The following KIF13B variants were observed in gnomAD, a reference collection of about 807,000 sequenced individuals.
KIF13B encodes the protein kinesin-like protein KIF13B.
KIF13B carries 127 observed loss-of-function variants against 222.0 expected under a neutral mutation model. The ratio of observed to expected loss-of-function variants is 0.57; its 90% CI spans 0.50 to 0.66. The LOEUF is 0.66. Among genes scored for constraint, KIF13B ranks in the 30% least tolerant of loss-of-function variants. The pLI, the probability that KIF13B is intolerant of heterozygous loss-of-function variation, is 0.00. For synonymous variants in KIF13B, 976 were observed against 919.0 expected (o/e 1.06, Z -1.12); for missense variants, 2,173 against 2,379.0 (o/e 0.91, Z 1.80).
chr8:29,148,505 G>C (rs999379194), intron 16 of KIF13B, 72 bp downstream of exon 16: 3 of 1,169,910 alleles, frequency 2.6e-6, no homozygotes, highest in African/African-American at 3.1e-5. Flanking sequence ...GAACTCCTGG[G>C]CTCAAGCGAT....
chr8:29,070,610 GC>G lies in KIF13B; in HGVS notation c.5374del (p.Ala1792ProfsTer13). ...GTTGGTGGCGGAGCCCGAGAGGGTGGCGCTCCGGCGGGCCTCGGGGGCACCC... is the reference window on the plus strand; with the variant it reads ...GTTGGTGGCGGAGCCCGAGAGGGTGGGCTCCGGCGGGCCTCGGGGGCACCC... ...RLGAPEARRS[A>X]TLSGSATNLA... On this transcript the variant is annotated frameshift_variant, in exon 40 of 40. Transcript: ENST00000524189. LOFTEE classifies it high-confidence loss of function. The surrounding 1 kb of genome is among the most constrained non-coding windows in gnomAD (Gnocchi z 4.1). 1 of 1,587,152 alleles carries G rather than the reference GC, an allele frequency of 6.3e-7. No homozygotes were observed. Among genetic ancestry groups the G allele is most frequent in the Non-Finnish European group, 8.6e-7 (1 of 1,166,540 alleles).
intron 13 of KIF13B, among the ~76,000 whole-genome samples, chr8:29,156,477 T>C (rs1350890127): frequency 6.6e-6 from 1 of 151,942 alleles, no homozygotes; most frequent in Non-Finnish European, 1.5e-5. Flanking sequence ...TTTCCCCACC[T>C]CCACAACCAC....
chr8:29,100,083 A>G (rs1235082682), intron 35 of KIF13B, among the ~76,000 whole-genome samples: 1 of 152,236 alleles, frequency 6.6e-6, no homozygotes, highest in Non-Finnish European at 1.5e-5. Context: ...AATTACAGTC[A>G]AACCCAAGTC....
chr8:29,233,030 C>T (rs867773861), intron 2 of KIF13B, among the ~76,000 whole-genome samples: 4 of 152,162 alleles, frequency 2.6e-5, no homozygotes, highest in Admixed American at 1.3e-4. Flanking sequence ...GTGGCATGTG[C>T]CTTTGATCCC....
rs570735700 is a variant in KIF13B, at chr8:29,142,040, C to T, written c.2334+117G>A. 3.8e-5 allele frequency: 26 copies of T among 692,896 alleles called. No homozygotes were observed. The East Asian group carries it at 6.9e-4, about 18-fold the overall frequency. The allele number at this position is 692,896 out of a possible 1,614,324, so 42.9% of individuals were successfully genotyped here. On this transcript the variant is annotated intron_variant, in intron 19 of 39. Coordinates refer to ENST00000524189, the MANE Select transcript of KIF13B (RefSeq NM_015254.4). ...TAGGGGATTAAAATAAACCTTACTC[C>T]AGAAATAGGATTATAATTTTGGAAA... is the stretch of plus-strand genomic sequence containing the variant.
chr8:29,255,660 T>TC (rs1241142837), intron 1 of KIF13B, among the ~76,000 whole-genome samples: 4 of 152,098 alleles, frequency 2.6e-5, no homozygotes, highest in Non-Finnish European at 5.9e-5. Flanking sequence ...TTCTTGAGAC[T>TC]CGCTGCCTCC....
chr8:29,259,947 G>A (rs949508250), intron 1 of KIF13B, among the ~76,000 whole-genome samples: 7 of 152,212 alleles, frequency 4.6e-5, no homozygotes, highest in Non-Finnish European at 1.0e-4. Context: ...TTACATACAC[G>A]TGTGAGCACA....
intron 2 of KIF13B, among the ~76,000 whole-genome samples, chr8:29,239,876 T>C (rs948600811): frequency 9.9e-5 from 15 of 152,186 alleles, no homozygotes; most frequent in African/African-American, 3.6e-4. Context: ...TGGGCCAGGC[T>C]GGTTTCGAAC....
chr8:29,141,418 G>A (rs1317998624), intron 19 of KIF13B, among the ~76,000 whole-genome samples: 1 of 151,994 alleles, frequency 6.6e-6, no homozygotes, highest in Non-Finnish European at 1.5e-5. Context: ...AATAGGAGAG[G>A]GGTACCAAAG....
chr8:29,209,212 C>T (rs190500854), intron 2 of KIF13B, among the ~76,000 whole-genome samples: 120 of 152,274 alleles, frequency 7.9e-4, no homozygotes, highest in African/African-American at 2.7e-3. Flanking sequence ...ATGAGAGGCA[C>T]CACTGGGAGG....
intron 18 of KIF13B, among the ~76,000 whole-genome samples, chr8:29,143,002 G>A (rs149795137): frequency 1.3e-5 from 2 of 152,170 alleles, no homozygotes; most frequent in African/African-American, 4.8e-5. Context: ...ACAGGTGCAT[G>A]CCAATACACC....
At chr8:29,172,159 C>A (rs1211698327) in intron 10 of KIF13B, among the ~76,000 whole-genome samples, 2 of 149,644 alleles carry the variant, frequency 1.3e-5, no homozygotes, top group African/African-American at 4.9e-5. Flanking sequence ...CGGCTCACTG[C>A]AAGCTCCTCC....
chr8:29,223,331 C>CAAAAAAAAAAAAAAAAA, intron 2 of KIF13B, among the ~76,000 whole-genome samples: 1 of 103,670 alleles, frequency 9.6e-6, no homozygotes, highest in Non-Finnish European at 1.9e-5. Flanking sequence ...GACCCTGTCT[C>CAAAAAAAAAAAAAAAAA]AAAAAAAAAA....
chr8:29,082,484 AG>A, intron 37 of KIF13B, among the ~76,000 whole-genome samples: 1 of 152,000 alleles, frequency 6.6e-6, no homozygotes, highest in African/African-American at 2.4e-5. Context: ...ACAAAAAAAA[AG>A]TTTTTAATTA....
chr8:29,153,439 C>A (rs567180904), intron 14 of KIF13B, among the ~76,000 whole-genome samples: 65 of 152,230 alleles, frequency 4.3e-4, no homozygotes, highest in Non-Finnish European at 8.4e-4. Flanking sequence ...TGCTGCTTAT[C>A]ATGAAAATGG....
intron 26 of KIF13B, among the ~76,000 whole-genome samples, chr8:29,125,945 A>G (rs1355305767): frequency 6.6e-6 from 1 of 152,102 alleles, no homozygotes; most frequent in Non-Finnish European, 1.5e-5. Flanking sequence ...CGTCTCTAGT[A>G]AAGATACAAA....
Position 29,181,930 on chromosome 8 carries a change from T to G in KIF13B, c.574A>C (p.Thr192Pro). Residue 192 changes from threonine to proline, a missense_variant, in exon 7 of 40, where the codon ACA becomes CCA. Thr to Pro is a conservative substitution (Grantham distance 38). Around this residue, in one of 2 missense-constraint regions of KIF13B, gnomAD observed 1,480 missense variants for 1,722.8 expected, o/e 0.86. Transcript: ENST00000524189. ...CAGGATGTTGTTACCTTGTAGCTTG[T>G]GACAGCCAGTTTAGAAAGTCCGTCG... ...YVDGLSKLAV[T>P]SYKDIESLMS... 1 of 1,613,210 alleles carries G rather than the reference T, an allele frequency of 6.2e-7. No homozygotes were observed. The highest frequency in any genetic ancestry group is 1.1e-5 in the South Asian group (1 of 91,010).
intron 7 of KIF13B, among the ~76,000 whole-genome samples, chr8:29,180,916 T>A (rs1006593033): frequency 2.6e-5 from 4 of 152,084 alleles, no homozygotes; most frequent in African/African-American, 9.7e-5. Context: ...CTTACAAGGA[T>A]CTTAATGAGG....
At chr8:29,191,235 T>C (rs913450402) in intron 3 of KIF13B, among the ~76,000 whole-genome samples, 178 bp from the exon 4 acceptor site, 1 of 152,240 alleles carries the variant, frequency 6.6e-6, no homozygotes, top group African/African-American at 2.4e-5. Context: ...TATGACTCTA[T>C]ATTTTACATG....
Sources: gnomAD v4.1 joint callset for allele counts (sites outside exome capture counted in the v4.1 genomes callset) on GRCh38, gnomAD v4.1.1 for gene constraint, gnomAD v4.1.1 regional missense constraint, Gnocchi (gnomAD v3.1) non-coding constraint, MANE v1.5 for transcripts, NCBI Gene and HGNC (gene_info 2026-07-23, HGNC 2026-07-21) for gene names.